Variants in GAB2 observed in about 807,000 individuals in gnomAD.
GAB2 encodes GRB2-associated-binding protein 2.
Under a neutral mutation model 65.5 loss-of-function variants are expected in GAB2, and 26 were observed. That is an observed-to-expected ratio of 0.40 (90% CI 0.29 to 0.55). The LOEUF is 0.55. GAB2 is among the 20% of genes least tolerant of loss of function. GAB2 has a pLI of 0.53. For synonymous variants in GAB2, 321 were observed against 329.6 expected, an observed-to-expected ratio of 0.97 and a Z score of 0.28; for missense variants, 884 against 875.8, an observed-to-expected ratio of 1.01 and a Z score of -0.12.
intron 1 of GAB2, chr11:78,341,729 C>T: frequency 1.0e-6 from 1 of 982,204 alleles, no homozygotes; most frequent in Non-Finnish European, 1.2e-6. Flanking sequence ...TAGGTACTTG[C>T]CCGCCATACT....
At chr11:78,303,552 C>T (rs1183769928) in intron 1 of GAB2, among the ~76,000 whole-genome samples, 2 of 152,088 alleles carry the variant, frequency 1.3e-5, no homozygotes, top group African/African-American at 4.8e-5. Flanking sequence ...ATCATGCTGT[C>T]TCAATTACTG....
At chr11:78,286,384 T>A (rs1419596223) in intron 1 of GAB2, among the ~76,000 whole-genome samples, 2 of 152,034 alleles carry the variant, frequency 1.3e-5, no homozygotes, top group African/African-American at 2.4e-5. Context: ...CTGCTTGTTT[T>A]CCCTTACTAA....
intron 1 of GAB2, among the ~76,000 whole-genome samples, chr11:78,300,313 G>T (rs1866959985): frequency 1.3e-5 from 2 of 151,868 alleles, no homozygotes; most frequent in African/African-American, 4.9e-5. Context: ...GCTGAGTAGT[G>T]TATGATGGAG....
intron 1 of GAB2, among the ~76,000 whole-genome samples, chr11:78,301,495 A>T (rs1190072168): frequency 6.6e-6 from 1 of 151,980 alleles, no homozygotes; most frequent in Non-Finnish European, 1.5e-5. Flanking sequence ...AAGCCTGGCT[A>T]ATGTTTGTAT....
Position 78,301,330 on chromosome 11 carries a change from G to GTTT in GAB2, c.76-20432_76-20430dup, listed in dbSNP as rs373415325. ...TTCATTTTCTTAGTGGTATCTTGTG[G>GTTT]TTTTTTGTTTTTTTTTTGAGACAGA... On this transcript the variant is annotated intron_variant, in intron 1 of 9. Transcript: ENST00000361507. Among the ~76,000 whole-genome samples, 291 of 145,726 alleles carry GTTT rather than the reference G, an allele frequency of 2.0e-3. 9 individuals carry two copies. The highest frequency in any genetic ancestry group is 5.8e-3 in the African/African-American group (221 of 37,910).
Position 78,346,726 on chromosome 11 carries a change from T to A in GAB2, c.76-65825A>T, listed in dbSNP as rs1856196778. ...ATATATATATATATATATATAATTT[T>A]TTTTTTTTTTAGGAAAAGAAACAAA... On this transcript the variant is annotated intron_variant, in intron 1 of 9. Transcript: ENST00000361507. 2.3e-5 allele frequency among the ~76,000 whole-genome samples: 3 copies of A among 129,764 alleles called. No homozygotes were observed. The East Asian group carries it at 6.4e-4, about 28-fold the overall frequency. 85.1% of individuals were successfully genotyped at this position (129,764 alleles called of 152,430 possible). A position where few individuals can be genotyped will look rare whatever the true frequency, so the allele number is the denominator to read the frequency against.
At chr11:78,278,064 C>T (rs980171259) in intron 2 of GAB2, among the ~76,000 whole-genome samples, 6 of 151,602 alleles carry the variant, frequency 4.0e-5, no homozygotes, top group Admixed American at 3.3e-4. Flanking sequence ...TTTTTCTTCC[C>T]CTGCTTTTTT....
intron 1 of GAB2, among the ~76,000 whole-genome samples, chr11:78,309,464 CTT>C (rs5792803): frequency 0.019 from 2,559 of 137,380 alleles, 58 homozygotes; most frequent in African/African-American, 0.055. Context: ...TGCCCCCTGC[CTT>C]TTTTTTTTTT....
rs535717898 is a variant in GAB2, at chr11:78,362,717, G to GT, written c.75+54928dup. Among the ~76,000 whole-genome samples the GT allele has an allele frequency of 3.5e-3, 537 of 152,202 alleles. 5 individuals are homozygous for GT. Among genetic ancestry groups the GT allele is most frequent in the African/African-American group, 0.012 (484 of 41,544 alleles). Reference sequence around the variant, plus strand: ...CAAAAACATAATCTAGCTACATACTGTTTTTTAAAGATACACCTAAAATAC... The same window carrying GT: ...CAAAAACATAATCTAGCTACATACTGTTTTTTTAAAGATACACCTAAAATAC... On this transcript the variant is annotated intron_variant, in intron 1 of 9. Coordinates refer to ENST00000361507, the MANE Select transcript of GAB2 (RefSeq NM_080491.3).
intron 3 of GAB2, among the ~76,000 whole-genome samples, chr11:78,232,996 G>A (rs1864886677): frequency 6.6e-6 from 1 of 151,006 alleles, no homozygotes; most frequent in Admixed American, 6.6e-5. Context: ...GGAAACACAG[G>A]ATTAAAGTCT....
intron 1 of GAB2, among the ~76,000 whole-genome samples, chr11:78,369,519 A>G (rs1223049577): frequency 1.3e-5 from 2 of 152,234 alleles, no homozygotes; most frequent in African/African-American, 2.4e-5. Context: ...CTTTCTCATT[A>G]GAAGAGTCGC....
At chr11:78,368,350 C>T (rs781365616) in intron 1 of GAB2, among the ~76,000 whole-genome samples, 4 of 152,156 alleles carry the variant, frequency 2.6e-5, no homozygotes, top group Non-Finnish European at 5.9e-5. Context: ...AATAGGCTTG[C>T]TATTTAGAAA....
At chr11:78,319,907 A>C (rs1262749332) in intron 1 of GAB2, among the ~76,000 whole-genome samples, 1 of 149,920 alleles carries the variant, frequency 6.7e-6, no homozygotes, top group Admixed American at 6.7e-5. Context: ...TTGCTCTGTC[A>C]CCCAGGGTGG....
At chr11:78,238,206 C>CAAAAAAAAAAAAAAAAAAAGAAAAAAAA (rs1565120459) in intron 3 of GAB2, among the ~76,000 whole-genome samples, 2 of 104,806 alleles carry the variant, frequency 1.9e-5, no homozygotes, top group Non-Finnish European at 3.9e-5. Flanking sequence ...AGGGAAGAAA[C>CAAAAAAAAAAAAAAAAAAAGAAAAAAAA]AAAAAAAAAA....
At chr11:78,219,501 G>GCTGTC (rs1864311845) in intron 9 of GAB2, 86 bp from the exon 10 acceptor site, 1 of 1,250,048 alleles carries the variant, frequency 8.0e-7, no homozygotes. Context: ...ATCTTCCTGA[G>GCTGTC]CTGTCTGAAG....
chr11:78,402,550 C>T (rs1012594231), intron 1 of GAB2, among the ~76,000 whole-genome samples: 6 of 150,452 alleles, frequency 4.0e-5, no homozygotes, highest in Non-Finnish European at 8.9e-5. Flanking sequence ...CGGCCTCAGC[C>T]GCACCCCCCC....
At chr11:78,240,803 GC>G (rs1327717122) in intron 3 of GAB2, among the ~76,000 whole-genome samples, 2 of 152,104 alleles carry the variant, frequency 1.3e-5, no homozygotes, top group Non-Finnish European at 2.9e-5. Flanking sequence ...ATCACAGCTG[GC>G]CCCTGACCTG....
intron 1 of GAB2, among the ~76,000 whole-genome samples, chr11:78,332,873 T>C (rs1349003332): frequency 6.6e-6 from 1 of 152,080 alleles, no homozygotes; most frequent in Non-Finnish European, 1.5e-5. Flanking sequence ...GAGCAGAAAT[T>C]TGAAGATATA....
At position 78,224,506 on chromosome 11, in the gene GAB2, G is replaced by C. The variant is rs144264757; in HGVS notation, c.1302+602C>G. Among the ~76,000 whole-genome samples the C allele has an allele frequency of 4.5e-3, 692 of 152,304 alleles. 4 individuals carry two copies. The highest frequency in any genetic ancestry group is 0.016 in the African/African-American group (670 of 41,562). ...CTGCAGTCAGAGCTTCTACAGAGTT[G>C]TGTGATACAGCAATCCCAGCCTTCC... On this transcript the variant is annotated intron_variant, in intron 5 of 9. Coordinates refer to ENST00000361507, the MANE Select transcript of GAB2 (RefSeq NM_080491.3).
Sources: gnomAD v4.1 joint callset for allele counts (sites outside exome capture counted in the v4.1 genomes callset) on GRCh38, gnomAD v4.1.1 for gene constraint, MANE v1.5 for transcripts, NCBI Gene and HGNC (gene_info 2026-07-23, HGNC 2026-07-21) for gene names.